EEFSEC: variants seen among roughly 807,000 people sequenced by gnomAD.
EEFSEC encodes selenocysteine-specific elongation factor.
Under a neutral mutation model 42.1 loss-of-function variants are expected in EEFSEC, and 43 were observed. That is an observed-to-expected ratio of 1.02 (90% CI 0.80 to 1.32). The LOEUF is 1.32. Ranked by LOEUF, EEFSEC falls within the 40% of genes most tolerant of loss-of-function variation. EEFSEC has a pLI of 0.00. For missense variants in EEFSEC, 745 were observed against 803.6 expected (o/e 0.93, Z 0.88); for synonymous variants, 354 against 339.1 (o/e 1.04, Z -0.48).
At chr3:128,270,041 G>T (rs761459021) in intron 4 of EEFSEC, among the ~76,000 whole-genome samples, 1 of 152,180 alleles carries the variant, frequency 6.6e-6, no homozygotes, top group African/African-American at 2.4e-5. Context: ...CAACCTCTTC[G>T]TGTTTCACTG....
chr3:128,247,167 A>C, intron 2 of EEFSEC, 124 bp downstream of exon 2: 1 of 1,017,970 alleles, frequency 9.8e-7, no homozygotes, highest in South Asian at 1.6e-5. Flanking sequence ...GTGAGATCTC[A>C]ACCTGGCATT....
intron 1 of EEFSEC, among the ~76,000 whole-genome samples, chr3:128,237,026 A>G (rs927558623): frequency 1.3e-5 from 2 of 152,278 alleles, no homozygotes; most frequent in Admixed American, 6.5e-5. Flanking sequence ...TACGTCTGGC[A>G]TGAGGGAGTG....
At chr3:128,192,102 T>C (rs1472713085) in intron 1 of EEFSEC, among the ~76,000 whole-genome samples, 1 of 152,154 alleles carries the variant, frequency 6.6e-6, no homozygotes, top group Non-Finnish European at 1.5e-5. Context: ...GTGTGTGGCA[T>C]TGTGATGGAG....
chr3:128,270,091 C>G (rs556856183), intron 4 of EEFSEC, among the ~76,000 whole-genome samples: 6 of 152,326 alleles, frequency 3.9e-5, no homozygotes, highest in Admixed American at 2.6e-4. Flanking sequence ...GTGCTTGGCT[C>G]TGTCCAGGAC....
chr3:128,245,164 G>A (rs1413223737), intron 1 of EEFSEC, among the ~76,000 whole-genome samples: 1 of 152,202 alleles, frequency 6.6e-6, no homozygotes, highest in Non-Finnish European at 1.5e-5. Flanking sequence ...GGAGGATGGA[G>A]TTTGGAGGGC....
chr3:128,245,269 G>A (rs1444751869), intron 1 of EEFSEC, among the ~76,000 whole-genome samples: 3 of 152,222 alleles, frequency 2.0e-5, no homozygotes, highest in Non-Finnish European at 4.4e-5. Context: ...GAGTCCAGAG[G>A]AGAGTTGGTA....
At chr3:128,315,237 G>A (rs1178626325) in intron 4 of EEFSEC, among the ~76,000 whole-genome samples, 1 of 152,164 alleles carries the variant, frequency 6.6e-6, no homozygotes, top group Non-Finnish European at 1.5e-5. Flanking sequence ...GAGATTAATG[G>A]GTTAATGCAT....
intron 1 of EEFSEC, among the ~76,000 whole-genome samples, chr3:128,213,166 T>G (rs1429715637): frequency 6.6e-6 from 1 of 152,182 alleles, no homozygotes; most frequent in African/African-American, 2.4e-5. Flanking sequence ...AGACCTGGGT[T>G]GTGGCAGTTG....
At chr3:128,422,143 G>C in the EEFSEC span, among the ~76,000 whole-genome samples, 59 of 152,212 alleles carry the variant, frequency 3.9e-4, no homozygotes, top group African/African-American at 1.4e-3. Context: ...TATGGCCCTG[G>C]GGCAACTGCA....
At chr3:128,157,546 T>C (rs555397395) in intron 1 of EEFSEC, among the ~76,000 whole-genome samples, 2 of 152,228 alleles carry the variant, frequency 1.3e-5, no homozygotes, top group Non-Finnish European at 2.9e-5. Flanking sequence ...CCATTGCTCA[T>C]TGACCATTCC....
chr3:128,208,028 G>A (rs943532340), intron 1 of EEFSEC, among the ~76,000 whole-genome samples: 3 of 152,166 alleles, frequency 2.0e-5, no homozygotes, highest in Non-Finnish European at 4.4e-5. Flanking sequence ...GTAAATGCCA[G>A]ATTTCTTGTC....
chr3:128,300,614 A>T (rs187148907), intron 4 of EEFSEC, among the ~76,000 whole-genome samples: 8 of 150,782 alleles, frequency 5.3e-5, no homozygotes, highest in Non-Finnish European at 8.9e-5. Context: ...CAATCATGTT[A>T]GTTTTCTATT....
intron 6 of EEFSEC, among the ~76,000 whole-genome samples, chr3:128,391,573 G>A (rs147142629): frequency 2.0e-5 from 3 of 152,356 alleles, no homozygotes; most frequent in African/African-American, 4.8e-5. Context: ...TAGAGCAAGC[G>A]CTTTGAAGCA....
At chr3:128,335,014 G>T (rs1466220117) in intron 4 of EEFSEC, among the ~76,000 whole-genome samples, 1 of 152,220 alleles carries the variant, frequency 6.6e-6, no homozygotes, top group Admixed American at 6.5e-5. Context: ...GGGTTTTGTG[G>T]ATCCTCTGAG....
rs187108394 is a variant in EEFSEC, at chr3:128,249,041, C to T, written c.524+1998C>T. Among the ~76,000 whole-genome samples the T allele has an allele frequency of 2.6e-5, 4 of 152,300 alleles. No homozygotes were observed. The East Asian group carries it at 7.7e-4, about 29-fold the overall frequency. On this transcript the variant is annotated intron_variant, in intron 2 of 6. Coordinates refer to ENST00000254730, the MANE Select transcript of EEFSEC (RefSeq NM_021937.5). ...ACCTGCTGAACATTAGCTTTTACCT[C>T]CATGAAGCAAAGAACTTCTTTAAAT... is the stretch of plus-strand genomic sequence containing the variant.
At chr3:128,163,816 G>A (rs1337320646) in intron 1 of EEFSEC, among the ~76,000 whole-genome samples, 1 of 151,700 alleles carries the variant, frequency 6.6e-6, no homozygotes, top group Non-Finnish European at 1.5e-5. Flanking sequence ...TTTGTCTGGC[G>A]ACTTTTGCTT....
chr3:128,172,408 A>G (rs2065308083), intron 1 of EEFSEC, among the ~76,000 whole-genome samples: 1 of 152,256 alleles, frequency 6.6e-6, no homozygotes, highest in Non-Finnish European at 1.5e-5. Flanking sequence ...GGGTGGTTGC[A>G]TCAAAGATGT....
chr3:128,321,086 G>A (rs1310796193), intron 4 of EEFSEC, among the ~76,000 whole-genome samples: 1 of 152,202 alleles, frequency 6.6e-6, no homozygotes, highest in African/African-American at 2.4e-5. Context: ...GGAGGCCCTG[G>A]GGGTGCCAGG....
intron 1 of EEFSEC, among the ~76,000 whole-genome samples, chr3:128,219,884 A>G (rs2065845767): frequency 6.6e-6 from 1 of 152,152 alleles, no homozygotes; most frequent in Admixed American, 6.5e-5. Context: ...TTAGTGAAAA[A>G]AATTATCCCT....
Sources: gnomAD v4.1 joint callset for allele counts (sites outside exome capture counted in the v4.1 genomes callset) on GRCh38, gnomAD v4.1.1 for gene constraint, MANE v1.5 for transcripts, NCBI Gene and HGNC (gene_info 2026-07-23, HGNC 2026-07-21) for gene names.